Variants in ZNF704 observed in about 807,000 individuals in gnomAD.
ZNF704 encodes the protein zinc finger protein 704, also known as glucocorticoid induced gene 1.
Under a neutral mutation model 44.7 loss-of-function variants are expected in ZNF704, and 10 were observed. The ratio of observed to expected loss-of-function variants is 0.22; its 90% CI spans 0.14 to 0.38. The LOEUF (loss-of-function observed/expected upper bound fraction) is 0.38. Among genes scored for constraint, ZNF704 ranks in the 10% least tolerant of loss-of-function variants. The probability of loss-of-function intolerance (pLI) is 1.00; values close to 1 mark genes in which losing one functional copy is unlikely to be tolerated. For missense variants in ZNF704, 390 were observed against 545.5 expected (o/e 0.71, Z 2.84); for synonymous variants, 211 against 207.6 (o/e 1.02, Z -0.14).
At chr8:80,797,000 G>GAAGCAAGC (rs778887111) in intron 2 of ZNF704, among the ~76,000 whole-genome samples, 8,534 of 148,002 alleles carry the variant, frequency 0.058, 234 homozygotes, top group Non-Finnish European at 0.073. Flanking sequence ...AGGAAGGAAG[G>GAAGCAAGC]AAGCAAGCAA....
Position 80,628,818 on chromosome 8 carries a change from AC to A in ZNF704, c.*12547del, listed in dbSNP as rs1476025077. 1 of 152,182 alleles carries A rather than the reference AC, an allele frequency of 6.6e-6. No homozygotes were observed. Among genetic ancestry groups the A allele is most frequent in the African/African-American group, 2.4e-5 (1 of 41,442 alleles). 9.4% of individuals were successfully genotyped at this position (152,182 alleles called of 1,614,324 possible). A position where few individuals can be genotyped will look rare whatever the true frequency, so the allele number is the denominator to read the frequency against. On this transcript the variant is annotated 3_prime_UTR_variant, in exon 9 of 9. Transcript: ENST00000327835. ...GTAGCAAATCCTTAACTCTGGGGGG[AC>A]AGAGCCACTTCTGCATTTTACACTT...
intron 2 of ZNF704, among the ~76,000 whole-genome samples, chr8:80,818,447 T>G (rs1586049696): frequency 6.6e-6 from 1 of 152,186 alleles, no homozygotes; most frequent in East Asian, 1.9e-4. Context: ...TGCTCAAGTC[T>G]CTTATATAAA....
intron 1 of ZNF704, among the ~76,000 whole-genome samples, chr8:80,828,327 T>C (rs1337875721): frequency 1.3e-5 from 2 of 152,224 alleles, no homozygotes; most frequent in East Asian, 3.8e-4. Flanking sequence ...ATCTTGTTAC[T>C]TCAGACTTTG....
At chr8:80,725,314 A>C (rs1458273158) in intron 2 of ZNF704, among the ~76,000 whole-genome samples, 1 of 150,958 alleles carries the variant, frequency 6.6e-6, no homozygotes, top group Admixed American at 6.6e-5. Context: ...GATAAATAAC[A>C]AACAAAATTT....
chr8:80,698,452 G>T (rs566583765), intron 2 of ZNF704, among the ~76,000 whole-genome samples: 7 of 152,088 alleles, frequency 4.6e-5, no homozygotes, highest in Non-Finnish European at 1.0e-4. Flanking sequence ...TGCTTGGGAG[G>T]GGCAGCCCAG....
chr8:80,823,385 C>A (rs929325261), intron 1 of ZNF704, among the ~76,000 whole-genome samples: 69 of 152,220 alleles, frequency 4.5e-4, no homozygotes, highest in African/African-American at 1.7e-3. Flanking sequence ...GGGCATCAGC[C>A]ACTGCTGAGG....
At chr8:80,655,430 C>T (rs1817999400) in intron 7 of ZNF704, among the ~76,000 whole-genome samples, 1 of 152,044 alleles carries the variant, frequency 6.6e-6, no homozygotes, top group South Asian at 2.1e-4. Context: ...CTAATCTCTC[C>T]CATGTGTTGA....
intron 2 of ZNF704, among the ~76,000 whole-genome samples, chr8:80,767,085 G>A (rs1360673217): frequency 6.6e-6 from 1 of 151,976 alleles, no homozygotes; most frequent in Admixed American, 6.6e-5. Flanking sequence ...AAAAGTCCAT[G>A]CCAGAATTTC....
At chr8:80,651,631 T>C (rs1008134847) in intron 7 of ZNF704, among the ~76,000 whole-genome samples, 2 of 152,168 alleles carry the variant, frequency 1.3e-5, no homozygotes, top group Non-Finnish European at 2.9e-5. Flanking sequence ...CCTAAATATA[T>C]ATGCACCCAA....
chr8:80,705,624 GT>G (rs1818884475), intron 2 of ZNF704, among the ~76,000 whole-genome samples: 1 of 151,882 alleles, frequency 6.6e-6, no homozygotes. Flanking sequence ...GTCAATCTCC[GT>G]GTCTGTGTGG....
At chr8:80,798,961 G>A (rs1807855275) in intron 2 of ZNF704, among the ~76,000 whole-genome samples, 1 of 152,188 alleles carries the variant, frequency 6.6e-6, no homozygotes, top group Non-Finnish European at 1.5e-5. Flanking sequence ...AGTGGCTCAT[G>A]GCATGACATG....
chr8:80,716,013 G>A (rs1278365021), intron 2 of ZNF704, among the ~76,000 whole-genome samples: 1 of 151,910 alleles, frequency 6.6e-6, no homozygotes, highest in Non-Finnish European at 1.5e-5. Flanking sequence ...CTGGGAGGCA[G>A]AGGTTGCAGT....
intron 1 of ZNF704, among the ~76,000 whole-genome samples, chr8:80,839,378 A>G (rs1444631366): frequency 6.6e-6 from 1 of 152,242 alleles, no homozygotes; most frequent in Non-Finnish European, 1.5e-5. Flanking sequence ...TGGGCAGTAA[A>G]CAGCAGGTGA....
chr8:80,881,654 G>A, the ZNF704 span, among the ~76,000 whole-genome samples: 25 of 152,142 alleles, frequency 1.6e-4, no homozygotes, highest in African/African-American at 3.4e-4. Flanking sequence ...TAGGCAGGGC[G>A]CAGTGGCTCA....
intron 2 of ZNF704, among the ~76,000 whole-genome samples, chr8:80,807,271 C>A (rs984684069): frequency 6.6e-6 from 1 of 152,114 alleles, no homozygotes; most frequent in Non-Finnish European, 1.5e-5. Context: ...AGGAGATAAA[C>A]CTGCCTCTGG....
rs1817737274 is a variant in ZNF704 at position 80,641,225 on chromosome 8, T to A, written c.*141A>T. 4.1e-6 allele frequency: 2 copies of A among 491,758 alleles called. No homozygotes were observed. Among genetic ancestry groups the A allele is most frequent in the East Asian group, 6.3e-5 (2 of 31,634 alleles). The allele number at this position is 491,758 out of a possible 1,614,324, so 30.5% of individuals were successfully genotyped here. On this transcript the variant is annotated 3_prime_UTR_variant, in exon 9 of 9. Coordinates refer to ENST00000327835, the MANE Select transcript of ZNF704 (RefSeq NM_001033723.3). ...AAACAATTTTTCTGTGTTTTTGCTG[T>A]TATTCCTCCAAGGTTCCTGAAAGGG...
intron 2 of ZNF704, among the ~76,000 whole-genome samples, chr8:80,810,212 G>A (rs1563561294): frequency 6.6e-6 from 1 of 152,132 alleles, no homozygotes; most frequent in African/African-American, 2.4e-5. Flanking sequence ...CACCTGAACA[G>A]CTCTCCATCA....
At chr8:80,781,582 G>A (rs977882955) in intron 2 of ZNF704, among the ~76,000 whole-genome samples, 8 of 152,144 alleles carry the variant, frequency 5.3e-5, no homozygotes, top group Non-Finnish European at 1.2e-4. Context: ...TTTGCGAATC[G>A]CTGCTTTAAA....
intron 2 of ZNF704, among the ~76,000 whole-genome samples, chr8:80,766,876 C>T (rs963838869): frequency 6.6e-6 from 1 of 152,064 alleles, no homozygotes; most frequent in Admixed American, 6.6e-5. Flanking sequence ...CCATGCTTGG[C>T]TAATTTTTGT....
Sources: allele counts gnomAD v4.1 joint callset (sites outside exome capture counted in the v4.1 genomes callset), GRCh38; gene constraint gnomAD v4.1.1; transcripts MANE v1.5; gene names NCBI Gene and HGNC (gene_info 2026-07-23, HGNC 2026-07-21).